Variants in PRRX1 observed in about 807,000 individuals in gnomAD.
PRRX1 encodes the protein paired mesoderm homeobox protein 1.
In PRRX1, 8 loss-of-function variants were observed where a neutral mutation model predicts 24.0. The ratio of observed to expected loss-of-function variants is 0.33; its 90% CI spans 0.20 to 0.60. The LOEUF (loss-of-function observed/expected upper bound fraction) is 0.60. PRRX1 is among the 20% of genes least tolerant of loss of function. The pLI is 0.82. For synonymous variants in PRRX1, 160 were observed against 131.7 expected (o/e 1.22, Z -1.47); for missense variants, 281 against 322.4 (o/e 0.87, Z 0.98).
At chr1:170,670,908 G>C (rs563297122) in intron 1 of PRRX1, among the ~76,000 whole-genome samples, 25 of 152,282 alleles carry the variant, frequency 1.6e-4, no homozygotes, top group African/African-American at 5.8e-4. Context: ...ATAGGAATAA[G>C]GGTCTGAGTT....
chr1:170,710,100 T>C (rs1654697938), intron 1 of PRRX1, among the ~76,000 whole-genome samples: 1 of 152,172 alleles, frequency 6.6e-6, no homozygotes, highest in African/African-American at 2.4e-5. Context: ...CATGGAGGAA[T>C]ATGTCAATCA....
chr1:170,696,226 C>A lies in PRRX1; in HGVS notation c.242-23500C>A, dbSNP rs543625995. Among the ~76,000 whole-genome samples the A allele has an allele frequency of 3.3e-5, 5 of 152,288 alleles. No individual in the cohort carries two copies. The South Asian group carries it at 8.3e-4, about 25-fold the overall frequency. On this transcript the variant is annotated intron_variant, in intron 1 of 3. Coordinates refer to ENST00000239461, the MANE Select transcript of PRRX1 (RefSeq NM_022716.4). Reference sequence around the variant, plus strand: ...GCTTGTCTAGGTCTATTTGTAAACCCTGTGGGTGTTATCCCCACACTGCAA... The same window carrying A: ...GCTTGTCTAGGTCTATTTGTAAACCATGTGGGTGTTATCCCCACACTGCAA...
chr1:170,665,805 T>G (rs374438754), intron 1 of PRRX1, among the ~76,000 whole-genome samples: 1 of 152,210 alleles, frequency 6.6e-6, no homozygotes, highest in Non-Finnish European at 1.5e-5. Context: ...TGGGCGCCCC[T>G]GGGTGTTTTT....
At chr1:170,680,423 C>G (rs1050417928) in intron 1 of PRRX1, among the ~76,000 whole-genome samples, 1 of 152,212 alleles carries the variant, frequency 6.6e-6, no homozygotes, top group African/African-American at 2.4e-5. Flanking sequence ...GAGACCACTA[C>G]TGAGTTACAG....
intron 1 of PRRX1, chr1:170,669,425 C>CCAAAAAAA: frequency 4.5e-5 from 1 of 22,298 alleles, no homozygotes; most frequent in South Asian, 4.2e-3. Context: ...CTCCCCACTG[C>CCAAAAAAA]AAAAAAAAAA....
chr1:170,728,893 G>A (rs1368855800), intron 3 of PRRX1: 1 of 152,182 alleles, frequency 6.6e-6, no homozygotes, highest in Non-Finnish European at 1.5e-5. Context: ...GTGATCCAAA[G>A]CAAAGGAAAT....
chr1:170,720,382 C>G (rs924631398), intron 2 of PRRX1, among the ~76,000 whole-genome samples: 1 of 152,162 alleles, frequency 6.6e-6, no homozygotes, highest in Non-Finnish European at 1.5e-5. Flanking sequence ...AGGATAGAAT[C>G]CTGTTTCCAG....
intron 1 of PRRX1, among the ~76,000 whole-genome samples, chr1:170,684,067 G>A (rs1041238392): frequency 6.6e-6 from 1 of 152,166 alleles, no homozygotes; most frequent in African/African-American, 2.4e-5. Context: ...TCCAGCTGGC[G>A]AGATGGATCT....
intron 1 of PRRX1, among the ~76,000 whole-genome samples, chr1:170,670,149 G>T (rs1403740819): frequency 2.0e-5 from 3 of 152,144 alleles, no homozygotes; most frequent in Non-Finnish European, 4.4e-5. Flanking sequence ...AGTGTACACC[G>T]TTGTAATCTT....
At chr1:170,692,606 T>C (rs1654027852) in intron 1 of PRRX1, among the ~76,000 whole-genome samples, 1 of 151,436 alleles carries the variant, frequency 6.6e-6, no homozygotes, top group Non-Finnish European at 1.5e-5. Flanking sequence ...TTTTTTTTTT[T>C]CAAGATAGGA....
At chr1:170,715,807 T>C (rs912869339) in intron 1 of PRRX1, among the ~76,000 whole-genome samples, 1 of 152,246 alleles carries the variant, frequency 6.6e-6, no homozygotes, top group African/African-American at 2.4e-5. Flanking sequence ...GTGATATTCA[T>C]CGACCCTCTT....
chr1:170,663,953 G>A, upstream of PRRX1: 1 of 490,730 alleles, frequency 2.0e-6, no homozygotes, highest in South Asian at 3.5e-5. Flanking sequence ...GACCGCGCCG[G>A]ACTTGGCCTC....
At chr1:170,712,370 C>A (rs1654779003) in intron 1 of PRRX1, among the ~76,000 whole-genome samples, 1 of 152,064 alleles carries the variant, frequency 6.6e-6, no homozygotes, top group Admixed American at 6.6e-5. Flanking sequence ...AATTTTAAAG[C>A]TTTTATTCAT....
intron 1 of PRRX1, among the ~76,000 whole-genome samples, chr1:170,674,836 T>C (rs945233978): frequency 3.9e-5 from 6 of 152,294 alleles, no homozygotes; most frequent in Admixed American, 2.6e-4. Flanking sequence ...CATTTCAAAA[T>C]TGAAACGGGA....
chr1:170,711,618 C>T (rs753076412), intron 1 of PRRX1, among the ~76,000 whole-genome samples: 3 of 152,106 alleles, frequency 2.0e-5, no homozygotes, highest in Non-Finnish European at 4.4e-5. Context: ...AAAAAGGTGA[C>T]ATATGATGCT....
chr1:170,669,451 A>AAAAAAAAAAAAAT (rs1653068426), intron 1 of PRRX1: 1 of 147,718 alleles, frequency 6.8e-6, no homozygotes, highest in Non-Finnish European at 1.5e-5. Flanking sequence ...AAAAAAAAAA[A>AAAAAAAAAAAAAT]AAATTCAGAA....
At chr1:170,716,758 A>G (rs1331947620) in intron 1 of PRRX1, among the ~76,000 whole-genome samples, 4 of 152,212 alleles carry the variant, frequency 2.6e-5, no homozygotes, top group African/African-American at 9.7e-5. Flanking sequence ...TTGCAAGAAA[A>G]GATGACCCTC....
intron 1 of PRRX1, chr1:170,667,775 A>T (rs1297251610): frequency 6.6e-6 from 1 of 152,220 alleles, no homozygotes; most frequent in Non-Finnish European, 1.5e-5. Flanking sequence ...ATTAAAAAGA[A>T]GCCTTTGGCT....
chr1:170,694,777 C>T (rs897852284), intron 1 of PRRX1, among the ~76,000 whole-genome samples: 7 of 152,112 alleles, frequency 4.6e-5, no homozygotes, highest in African/African-American at 1.4e-4. Context: ...ATCAAATGCT[C>T]TCAGCCACTG....
Sources: allele counts gnomAD v4.1 joint callset (sites outside exome capture counted in the v4.1 genomes callset), GRCh38; gene constraint gnomAD v4.1.1; transcripts MANE v1.5; gene names NCBI Gene and HGNC (gene_info 2026-07-23, HGNC 2026-07-21).